Variants in CDC14B observed in about 807,000 individuals in gnomAD.
CDC14B encodes dual specificity protein phosphatase CDC14B.
CDC14B carries 22 observed loss-of-function variants against 64.2 expected under a neutral mutation model. The observed-to-expected ratio is 0.34, with a 90% CI of 0.24 to 0.49. The LOEUF is 0.49. CDC14B is among the 20% of genes least tolerant of loss of function. The pLI is 0.99. For missense variants in CDC14B, 498 were observed against 629.9 expected, an observed-to-expected ratio of 0.79 and a Z score of 2.24; for synonymous variants, 191 against 215.8, an observed-to-expected ratio of 0.89 and a Z score of 1.01.
intron 1 of CDC14B, among the ~76,000 whole-genome samples, chr9:96,583,676 G>A (rs1006341029): frequency 2.0e-5 from 3 of 151,586 alleles, no homozygotes; most frequent in East Asian, 2.0e-4. Flanking sequence ...GACTACAAGC[G>A]TGAGCCAAGG....
At chr9:96,572,016 G>T (rs560913758) in intron 1 of CDC14B, among the ~76,000 whole-genome samples, 2 of 152,162 alleles carry the variant, frequency 1.3e-5, no homozygotes, top group East Asian at 3.9e-4. Context: ...CTCCACTAGA[G>T]GCCCAAAGGA....
At chr9:96,605,309 G>T (rs766556151) in intron 1 of CDC14B, among the ~76,000 whole-genome samples, 16 of 152,000 alleles carry the variant, frequency 1.1e-4, no homozygotes, top group Non-Finnish European at 2.1e-4. Flanking sequence ...GCTTTCTCTG[G>T]CCTAAAGAGT....
intron 9 of CDC14B, among the ~76,000 whole-genome samples, chr9:96,533,055 C>T (rs1838727845): frequency 6.6e-6 from 1 of 152,160 alleles, no homozygotes; most frequent in Non-Finnish European, 1.5e-5. Flanking sequence ...CAACCTCTGC[C>T]TTCCGGGTTC....
intron 5 of CDC14B, among the ~76,000 whole-genome samples, chr9:96,547,750 G>A (rs935995897): frequency 6.6e-6 from 1 of 152,060 alleles, no homozygotes; most frequent in African/African-American, 2.4e-5. Context: ...ACCATGCCCA[G>A]CCTATACCAA....
intron 12 of CDC14B, among the ~76,000 whole-genome samples, chr9:96,513,564 G>C (rs898243907): frequency 6.6e-6 from 1 of 152,084 alleles, no homozygotes; most frequent in African/African-American, 2.4e-5. Context: ...AGCATCCTTG[G>C]AGCCTCGGTA....
intron 9 of CDC14B, among the ~76,000 whole-genome samples, chr9:96,528,666 G>A (rs1205527820): frequency 2.0e-5 from 3 of 152,204 alleles, no homozygotes; most frequent in Non-Finnish European, 4.4e-5. Context: ...TTCAGGAACT[G>A]CCACACCATT....
intron 5 of CDC14B, among the ~76,000 whole-genome samples, chr9:96,546,906 C>T (rs978132155): frequency 6.6e-6 from 1 of 151,678 alleles, no homozygotes; most frequent in South Asian, 2.1e-4. Flanking sequence ...ACTAAAAATA[C>T]AAAAAATTAG....
Position 96,592,935 on chromosome 9 carries a change from G to A in CDC14B, c.160+26284C>T, listed in dbSNP as rs1280927493. ...TTTGGTATTCATCTACAATGTAAAT[G>A]TAGTATTATGGAGGTTACAATAACT... On this transcript the variant is annotated intron_variant, in intron 1 of 13. Coordinates refer to ENST00000375241, the MANE Select transcript of CDC14B (RefSeq NM_033331.4). 5.9e-5 allele frequency among the ~76,000 whole-genome samples: 9 copies of A among 152,094 alleles called. No homozygotes were observed. The South Asian group carries it at 1.7e-3, about 28-fold the overall frequency.
In CDC14B at chr9:96,534,240, A is replaced by C; in HGVS notation, c.716-83T>G. 3 of 873,280 alleles carry C rather than the reference A, an allele frequency of 3.4e-6. No individual in the cohort carries two copies. In the Admixed American group the frequency reaches 8.1e-5, roughly 24 times the overall value. 54.1% of individuals were successfully genotyped at this position (873,280 alleles called of 1,614,324 possible). On this transcript the variant is annotated intron_variant, in intron 8 of 13. Coordinates refer to ENST00000375241, the MANE Select transcript of CDC14B (RefSeq NM_033331.4). ...GTTTCACCTGTAACTGAACGGAAAC[A>C]GTATCTGGACTGGGAATTAAATACC...
At chr9:96,605,805 G>A (rs528456315) in intron 1 of CDC14B, among the ~76,000 whole-genome samples, 9 of 152,018 alleles carry the variant, frequency 5.9e-5, no homozygotes, top group South Asian at 2.1e-4. Context: ...AGGTTGCAGC[G>A]AGCCAAGATT....
intron 3 of CDC14B, 127 bp downstream of exon 3, chr9:96,564,650 T>C: frequency 3.6e-6 from 2 of 548,514 alleles, no homozygotes; most frequent in Non-Finnish European, 6.5e-6. Flanking sequence ...GAAAACCATG[T>C]GCATGTCCCA....
At chr9:96,518,624 T>G (rs79233403) in intron 12 of CDC14B, among the ~76,000 whole-genome samples, 3 of 152,174 alleles carry the variant, frequency 2.0e-5, no homozygotes, top group Non-Finnish European at 4.4e-5. Flanking sequence ...ACCCACACCA[T>G]CTTATTTAAT....
chr9:96,567,467 G>C (rs1188977597), intron 1 of CDC14B, among the ~76,000 whole-genome samples: 1 of 152,244 alleles, frequency 6.6e-6, no homozygotes, highest in Non-Finnish European at 1.5e-5. Flanking sequence ...ATGGGAAACG[G>C]GCATCTTCAA....
At chr9:96,587,878 G>A (rs16911350) in intron 1 of CDC14B, among the ~76,000 whole-genome samples, 4,487 of 151,970 alleles carry the variant, frequency 0.03, 203 homozygotes, top group African/African-American at 0.1. Context: ...TCCCCGCCCC[G>A]CCCCCACAAT....
At chr9:96,506,147 C>T (rs10118793) in intron 13 of CDC14B, among the ~76,000 whole-genome samples, 25,071 of 152,018 alleles carry the variant, frequency 0.16, 2,107 homozygotes, top group Middle Eastern at 0.19. Flanking sequence ...AAACCTGCTA[C>T]GTTGCAGGTA....
At chr9:96,595,257 C>T (rs1465521171) in intron 1 of CDC14B, among the ~76,000 whole-genome samples, 2 of 152,164 alleles carry the variant, frequency 1.3e-5, no homozygotes, top group African/African-American at 4.8e-5. Context: ...AACTTAACTA[C>T]GTCTCTGAAA....
chr9:96,607,142 TCCCACA>T (rs1847004712), intron 1 of CDC14B, among the ~76,000 whole-genome samples: 1 of 151,818 alleles, frequency 6.6e-6, no homozygotes, highest in Non-Finnish European at 1.5e-5. Context: ...TTTCAGAATA[TCCCACA>T]TATCTTTATT....
intron 1 of CDC14B, among the ~76,000 whole-genome samples, chr9:96,573,508 A>T (rs1016589006): frequency 1.3e-5 from 2 of 152,242 alleles, no homozygotes; most frequent in African/African-American, 4.8e-5. Context: ...GGAGAAATAA[A>T]GCAGGTTTAT....
At chr9:96,605,736 C>T (rs962490399) in intron 1 of CDC14B, among the ~76,000 whole-genome samples, 6 of 152,116 alleles carry the variant, frequency 3.9e-5, no homozygotes, top group African/African-American at 1.4e-4. Context: ...GGGCTCATGC[C>T]TGTAATCTCA....
Sources: gnomAD v4.1 joint callset for allele counts (sites outside exome capture counted in the v4.1 genomes callset) on GRCh38, gnomAD v4.1.1 for gene constraint, MANE v1.5 for transcripts, NCBI Gene and HGNC (gene_info 2026-07-23, HGNC 2026-07-21) for gene names.